RNF220: variants seen among roughly 807,000 people sequenced by gnomAD.
The protein encoded by RNF220 is E3 ubiquitin-protein ligase RNF220.
Under a neutral mutation model 67.1 loss-of-function variants are expected in RNF220, and 7 were observed. The observed-to-expected ratio is 0.10, with a 90% CI of 0.06 to 0.20. The LOEUF (loss-of-function observed/expected upper bound fraction) is 0.20. Ranked by LOEUF, RNF220 falls within the 10% of genes least tolerant of loss-of-function variation. The probability of loss-of-function intolerance (pLI) is 1.00; values close to 1 mark genes in which losing one functional copy is unlikely to be tolerated. For synonymous variants in RNF220, 270 were observed against 283.2 expected (o/e 0.95, Z 0.47); for missense variants, 565 against 740.3 (o/e 0.76, Z 2.75).
chr1:44,599,554 G>A (rs966099194), intron 2 of RNF220, among the ~76,000 whole-genome samples: 2 of 152,188 alleles, frequency 1.3e-5, no homozygotes, highest in Non-Finnish European at 2.9e-5. Context: ...AGCTACCCAG[G>A]AGGCTGAGGT....
At chr1:44,583,037 A>G (rs577839878) in intron 2 of RNF220, among the ~76,000 whole-genome samples, 3 of 152,232 alleles carry the variant, frequency 2.0e-5, no homozygotes, top group East Asian at 1.9e-4. Context: ...GGAGTGATCT[A>G]CTGAGCTCAA....
At chr1:44,530,329 T>C (rs182955396) in intron 2 of RNF220, among the ~76,000 whole-genome samples, 116 of 152,236 alleles carry the variant, frequency 7.6e-4, no homozygotes, top group African/African-American at 2.6e-3. Context: ...AAAACTACAA[T>C]GGGTTACCAC....
At chr1:44,634,324 G>A (rs1644261139) in intron 6 of RNF220, among the ~76,000 whole-genome samples, 2 of 152,168 alleles carry the variant, frequency 1.3e-5, no homozygotes, top group Non-Finnish European at 2.9e-5. Context: ...TCTAAGCTTT[G>A]GGTTTCTTCA....
chr1:44,650,336 C>T lies in RNF220; in HGVS notation c.1630-368C>T, dbSNP rs958053523. On this transcript the variant is annotated intron_variant, in intron 14 of 14. Transcript: ENST00000361799. The surrounding 1 kb of genome is among the most constrained non-coding windows in gnomAD (Gnocchi z 4.3). ...TCCTTCTGCTCCTGCCCCTGTTCTT[C>T]GCTCAGGAGCAGCCATTAAAATGTC... 4.4e-5 allele frequency: 21 copies of T among 471,980 alleles called. No homozygotes were observed. Among genetic ancestry groups the T allele is most frequent in the Non-Finnish European group, 6.9e-5 (18 of 259,042 alleles). The allele number at this position is 471,980 out of a possible 1,614,324, so 29.2% of individuals were successfully genotyped here.
At chr1:44,424,049 T>G in intron 2 of RNF220, 2 of 982,222 alleles carry the variant, frequency 2.0e-6, no homozygotes, top group Non-Finnish European at 2.4e-6. Flanking sequence ...CCTGAGCTCC[T>G]GTGTGTAGAG....
chr1:44,622,452 G>A lies in RNF220; in HGVS notation c.759-290G>A, dbSNP rs1224806345. On this transcript the variant is annotated intron_variant, in intron 3 of 14. Transcript: ENST00000361799. This position sits in a 1 kb window ranked among gnomAD's most constrained non-coding sequence, Gnocchi z 4.3. ...AGAATCTTCAGGGCTGATACGAGGA[G>A]TCAGGTAAAGCCCCTTTCTTCAGAT... Among the ~76,000 whole-genome samples the A allele has an allele frequency of 1.3e-5, 2 of 152,206 alleles. No individual in the cohort carries two copies. The highest frequency in any genetic ancestry group is 2.4e-5 in the African/African-American group (1 of 41,444).
At chr1:44,567,395 G>C (rs796760999) in intron 2 of RNF220, among the ~76,000 whole-genome samples, 13 of 152,226 alleles carry the variant, frequency 8.5e-5, no homozygotes, top group African/African-American at 2.9e-4. Flanking sequence ...TGGCCACATA[G>C]CCCCCGCCAG....
intron 2 of RNF220, among the ~76,000 whole-genome samples, chr1:44,439,654 T>C (rs1651356163): frequency 6.6e-6 from 1 of 152,204 alleles, no homozygotes; most frequent in African/African-American, 2.4e-5. Flanking sequence ...ATCATTTTTT[T>C]TTCCCTTTTG....
At chr1:44,413,117 G>A (rs924259531) in intron 2 of RNF220, among the ~76,000 whole-genome samples, 1 of 152,108 alleles carries the variant, frequency 6.6e-6, no homozygotes, top group African/African-American at 2.4e-5. Context: ...TCCTCGTTAT[G>A]TTTGTCTGAT....
chr1:44,499,711 C>T lies in RNF220; in HGVS notation c.625+86989C>T, dbSNP rs192429665. On this transcript the variant is annotated intron_variant, in intron 2 of 14. Coordinates refer to ENST00000361799, the MANE Select transcript of RNF220 (RefSeq NM_018150.4). ...CCCAAATTTATATCTCTAGCCTAGA[C>T]CTCTCCCCTGAACTACAAATTCACC... is the stretch of plus-strand genomic sequence containing the variant. Among the ~76,000 whole-genome samples, 7 of 152,282 alleles carry T rather than the reference C, an allele frequency of 4.6e-5. No individual in the cohort carries two copies. In the East Asian group the frequency reaches 1.4e-3, roughly 29 times the overall value.
At chr1:44,625,946 C>T (rs1176426451) in intron 4 of RNF220, among the ~76,000 whole-genome samples, 1 of 152,090 alleles carries the variant, frequency 6.6e-6, no homozygotes, top group Non-Finnish European at 1.5e-5. Flanking sequence ...TATGGCTTTA[C>T]CCACAACCCT....
chr1:44,638,673 G>C (rs1028245924), intron 8 of RNF220, among the ~76,000 whole-genome samples: 1 of 152,084 alleles, frequency 6.6e-6, no homozygotes, highest in Non-Finnish European at 1.5e-5. Flanking sequence ...CAAGAGTTTC[G>C]GTGGAGACAC....
At chr1:44,411,599 T>G (rs1375090271) in intron 1 of RNF220, among the ~76,000 whole-genome samples, 1 of 152,100 alleles carries the variant, frequency 6.6e-6, no homozygotes, top group African/African-American at 2.4e-5. Context: ...CTGCCATGAG[T>G]GGTGGATGCA....
intron 2 of RNF220, among the ~76,000 whole-genome samples, chr1:44,476,598 A>C (rs1655319887): frequency 1.3e-5 from 2 of 152,126 alleles, no homozygotes; most frequent in African/African-American, 2.4e-5. Context: ...TGGCCCTAGA[A>C]ATATTGCAAA....
In RNF220 at chr1:44,649,787, TA is replaced by T. The variant is rs781462855; in HGVS notation, c.1554+19del. On this transcript the variant is annotated intron_variant, in intron 13 of 14. Transcript: ENST00000361799. The surrounding 1 kb of genome is among the most constrained non-coding windows in gnomAD (Gnocchi z 5.9). ...TCTGCATGGTGAGTAGAAAAGAACC[TA>T]GGGGTGCCCTTGGTCAGGCTTCCAC... 6.8e-6 allele frequency: 11 copies of T among 1,612,850 alleles called. No homozygotes were observed. Among genetic ancestry groups the T allele is most frequent in the Non-Finnish European group, 9.3e-6 (11 of 1,179,012 alleles).
intron 2 of RNF220, among the ~76,000 whole-genome samples, chr1:44,499,394 G>A (rs957739265): frequency 2.0e-5 from 3 of 151,998 alleles, no homozygotes; most frequent in Non-Finnish European, 2.9e-5. Context: ...CTTTTGTCCA[G>A]GTCACTAGTG....
At chr1:44,512,888 G>T (rs949678768) in intron 2 of RNF220, among the ~76,000 whole-genome samples, 5 of 152,146 alleles carry the variant, frequency 3.3e-5, no homozygotes, top group African/African-American at 9.7e-5. Flanking sequence ...TCCTGGAGCA[G>T]CCAGTTGACC....
At chr1:44,617,610 C>T (rs966298052) in intron 3 of RNF220, among the ~76,000 whole-genome samples, 1 of 152,252 alleles carries the variant, frequency 6.6e-6, no homozygotes, top group Non-Finnish European at 1.5e-5. Flanking sequence ...CCTGCCCGCT[C>T]TCGGGAAGCC....
At chr1:44,597,813 T>C (rs1666630353) in intron 2 of RNF220, among the ~76,000 whole-genome samples, 1 of 152,146 alleles carries the variant, frequency 6.6e-6, no homozygotes, top group Non-Finnish European at 1.5e-5. Context: ...CTTTCTCTCA[T>C]GTACACGCCT....
Sources: gnomAD v4.1 joint callset for allele counts (sites outside exome capture counted in the v4.1 genomes callset) on GRCh38, gnomAD v4.1.1 for gene constraint, Gnocchi (gnomAD v3.1) non-coding constraint, MANE v1.5 for transcripts, NCBI Gene and HGNC (gene_info 2026-07-23, HGNC 2026-07-21) for gene names.